SPATA17: variants seen among roughly 807,000 people sequenced by gnomAD.
The protein encoded by SPATA17 is spermatogenesis-associated protein 17.
A neutral mutation model predicts 62.2 loss-of-function variants in SPATA17; 53 were observed. The observed-to-expected ratio is 0.85, with a 90% confidence interval of 0.68 to 1.07. The LOEUF (loss-of-function observed/expected upper bound fraction) is 1.07. Ranked by LOEUF, SPATA17 falls within the 50% of genes least tolerant of loss-of-function variation. SPATA17 has a pLI of 0.00. For synonymous variants in SPATA17, 146 were observed against 146.8 expected (o/e 0.99, Z 0.04); for missense variants, 466 against 425.5 (o/e 1.10, Z -0.84).
Position 217,631,392 on chromosome 1 carries a change from C to T in SPATA17, c.14C>T (p.Ala5Val). MATL[A>V]RLQARSSTVG... is the part of the protein sequence containing the mutation. Reference sequence around the variant, plus strand: ...GGCCAAGAGACCATGGCCACGTTAGCCCGGCTGCAAGCTAGGTCGTCGACT... The same window carrying T: ...GGCCAAGAGACCATGGCCACGTTAGTCCGGCTGCAAGCTAGGTCGTCGACT... The change falls in exon 1 of 11, where the codon GCC becomes GTC. Residue 5 changes from alanine (A) to valine (V), a missense_variant. Ala to Val is a moderately conservative substitution (Grantham distance 64, BLOSUM62 0). Transcript: ENST00000366933. The T allele has an allele frequency of 6.2e-7, 1 of 1,614,118 alleles. No homozygotes were observed. The highest frequency in any genetic ancestry group is 8.5e-7 in the Non-Finnish European group (1 of 1,180,034).
At chr1:217,648,532 A>T (rs1670239113) in intron 1 of SPATA17, among the ~76,000 whole-genome samples, 1 of 152,236 alleles carries the variant, frequency 6.6e-6, no homozygotes, top group Non-Finnish European at 1.5e-5. Context: ...TAGCATTTAA[A>T]CAGTAAATTC....
At chr1:217,854,077 G>A (rs545414713) in intron 9 of SPATA17, among the ~76,000 whole-genome samples, 1 of 152,244 alleles carries the variant, frequency 6.6e-6, no homozygotes, top group Non-Finnish European at 1.5e-5. Flanking sequence ...ACAGAAATTG[G>A]AAGTGAGGTA....
At chr1:217,738,813 G>A (rs1263816452) in intron 5 of SPATA17, among the ~76,000 whole-genome samples, 1 of 152,182 alleles carries the variant, frequency 6.6e-6, no homozygotes, top group Non-Finnish European at 1.5e-5. Context: ...TTAGCTGGGC[G>A]TGGTGGCATG....
At chr1:217,832,374 A>T (rs1054825308) in intron 9 of SPATA17, among the ~76,000 whole-genome samples, 2 of 152,146 alleles carry the variant, frequency 1.3e-5, no homozygotes, top group African/African-American at 4.8e-5. Context: ...ACCCCAAAAC[A>T]TGACAGATAA....
chr1:217,845,403 T>G (rs558963037), intron 9 of SPATA17, among the ~76,000 whole-genome samples: 26 of 152,172 alleles, frequency 1.7e-4, no homozygotes, highest in African/African-American at 5.8e-4. Flanking sequence ...CCCAACTCAC[T>G]TGCCCCATTT....
intron 5 of SPATA17, among the ~76,000 whole-genome samples, chr1:217,706,844 A>G (rs1671747800): frequency 6.7e-6 from 1 of 149,158 alleles, no homozygotes; most frequent in Admixed American, 6.7e-5. Context: ...TTTATTATGT[A>G]TTTCTTTCTT....
intron 6 of SPATA17, among the ~76,000 whole-genome samples, chr1:217,751,040 C>A (rs545930638): frequency 1.2e-4 from 18 of 152,280 alleles, no homozygotes; most frequent in African/African-American, 3.8e-4. Context: ...ACTGTCCAGC[C>A]ATCCTTCTTT....
chr1:217,708,881 C>A (rs1042700255), intron 5 of SPATA17, among the ~76,000 whole-genome samples: 2 of 151,746 alleles, frequency 1.3e-5, no homozygotes, highest in African/African-American at 4.8e-5. Context: ...GTTCAACATA[C>A]AGAAATCAAT....
intron 3 of SPATA17, among the ~76,000 whole-genome samples, chr1:217,655,471 A>G (rs1670422374): frequency 6.6e-6 from 1 of 152,124 alleles, no homozygotes; most frequent in Non-Finnish European, 1.5e-5. Flanking sequence ...TTTGTCTCTC[A>G]TGAGGGGATA....
chr1:217,778,319 G>A (rs778212299), intron 7 of SPATA17, among the ~76,000 whole-genome samples: 12 of 152,196 alleles, frequency 7.9e-5, no homozygotes, highest in South Asian at 2.1e-4. Flanking sequence ...TCAGGAGTTC[G>A]AGACCAGACT....
At chr1:217,691,622 A>G (rs1244383575) in intron 5 of SPATA17, among the ~76,000 whole-genome samples, 1 of 16,568 alleles carries the variant, frequency 6.0e-5, no homozygotes. Context: ...TTATGGTTTT[A>G]GGTCTAACGT....
rs950031081 is a variant in SPATA17, at chr1:217,867,754, AG to A, written c.*737del. On this transcript the variant is annotated 3_prime_UTR_variant, in exon 11 of 11. Coordinates refer to ENST00000366933, the MANE Select transcript of SPATA17 (RefSeq NM_138796.4). ...TCCTTGGAAGTTAACTCAACATTTG[AG>A]GTTCCTATATCCTTTAATCCCATCC... 2.0e-4 allele frequency: 31 copies of A among 152,298 alleles called. No individual in the cohort carries two copies. The highest frequency in any genetic ancestry group is 7.5e-4 in the African/African-American group (31 of 41,562). The allele number at this position is 152,298 out of a possible 1,614,324, so 9.4% of individuals were successfully genotyped here. A position where few individuals can be genotyped will look rare whatever the true frequency, so the allele number is the denominator to read the frequency against.
intron 8 of SPATA17, among the ~76,000 whole-genome samples, chr1:217,797,076 G>T (rs1335288588): frequency 1.3e-5 from 2 of 151,902 alleles, no homozygotes; most frequent in African/African-American, 4.8e-5. Flanking sequence ...AAATATTGTT[G>T]CCAAATAATT....
chr1:217,752,279 C>T (rs894603890), intron 6 of SPATA17, among the ~76,000 whole-genome samples: 11 of 152,138 alleles, frequency 7.2e-5, no homozygotes, highest in African/African-American at 2.7e-4. Flanking sequence ...CCTCCCACCT[C>T]AGCCTCCCAA....
intron 5 of SPATA17, among the ~76,000 whole-genome samples, chr1:217,723,616 A>G (rs921177026): frequency 2.0e-5 from 3 of 152,156 alleles, no homozygotes; most frequent in Non-Finnish European, 4.4e-5. Flanking sequence ...CATAGTGGGA[A>G]CTCAAGCAAA....
At chr1:217,707,526 C>T (rs2102924064) in intron 5 of SPATA17, among the ~76,000 whole-genome samples, 1 of 152,272 alleles carries the variant, frequency 6.6e-6, no homozygotes, top group South Asian at 2.1e-4. Flanking sequence ...GAATTGCTTT[C>T]AGCTTTTGCC....
At chr1:217,682,503 T>C (rs887378871) in intron 4 of SPATA17, among the ~76,000 whole-genome samples, 3 of 152,238 alleles carry the variant, frequency 2.0e-5, no homozygotes, top group African/African-American at 7.2e-5. Context: ...CAGTTCTCTT[T>C]GTTCCCAGTT....
intron 9 of SPATA17, 113 bp downstream of exon 9, chr1:217,801,963 A>G (rs1674324430): frequency 9.0e-7 from 1 of 1,111,812 alleles, no homozygotes; most frequent in Non-Finnish European, 1.2e-6. Context: ...TGGTAACAAC[A>G]TTTTTTATAG....
Position 217,746,933 on chromosome 1 carries a change from T to C in SPATA17, c.519+4835T>C, listed in dbSNP as rs183808073. Among the ~76,000 whole-genome samples, 11 of 152,176 alleles carry C rather than the reference T, an allele frequency of 7.2e-5. No individual in the cohort carries two copies. In the East Asian group the frequency reaches 2.1e-3, roughly 29 times the overall value. On this transcript the variant is annotated intron_variant, in intron 6 of 10. Coordinates refer to ENST00000366933, the MANE Select transcript of SPATA17 (RefSeq NM_138796.4). The stretch of plus-strand genomic sequence containing the variant: ...GCATAAATAATCAATCACCATTTAC[T>C]AGTAGTAATAAGGTTAATTTGTTGC...
Sources: allele counts gnomAD v4.1 joint callset (sites outside exome capture counted in the v4.1 genomes callset), GRCh38; gene constraint gnomAD v4.1.1; transcripts MANE v1.5; gene names NCBI Gene and HGNC (gene_info 2026-07-23, HGNC 2026-07-21).